The following MAPK8 variants were observed in gnomAD, a reference collection of about 807,000 sequenced individuals.
MAPK8 encodes mitogen-activated protein kinase 8, also known as JUN N-terminal kinase.
In MAPK8, 13 loss-of-function variants were observed where a neutral mutation model predicts 52.9. The observed-to-expected ratio is 0.25, with a 90% CI of 0.16 to 0.39. The LOEUF is 0.39. Ranked by LOEUF, MAPK8 falls within the 10% of genes least tolerant of loss-of-function variation. The probability of loss-of-function intolerance (pLI) is 1.00; values close to 1 mark genes in which losing one functional copy is unlikely to be tolerated. For missense variants in MAPK8, 300 were observed against 519.2 expected, an observed-to-expected ratio of 0.58 and a Z score of 4.10; for synonymous variants, 191 against 169.8, an observed-to-expected ratio of 1.12 and a Z score of -0.97.
intron 1 of MAPK8, among the ~76,000 whole-genome samples, chr10:48,388,302 G>GCC (rs1564567232): frequency 2.0e-5 from 3 of 152,092 alleles, no homozygotes; most frequent in Non-Finnish European, 4.4e-5. Flanking sequence ...CATTAAGTAG[G>GCC]TTTATGATAA....
intron 5 of MAPK8, among the ~76,000 whole-genome samples, chr10:48,417,923 C>G (rs2043150483): frequency 6.6e-5 from 10 of 152,136 alleles, no homozygotes; most frequent in Admixed American, 6.5e-4. Context: ...TTTTGCTTTC[C>G]AGTCTTTTCT....
chr10:48,393,275 CTT>C (rs2041720396), intron 1 of MAPK8, among the ~76,000 whole-genome samples: 1 of 151,972 alleles, frequency 6.6e-6, no homozygotes, highest in Admixed American at 6.6e-5. Context: ...ATTTGAATGT[CTT>C]AAAGTTATCT....
intron 1 of MAPK8, among the ~76,000 whole-genome samples, chr10:48,345,221 G>T (rs556508536): frequency 6.6e-6 from 1 of 152,226 alleles, no homozygotes; most frequent in South Asian, 2.1e-4. Flanking sequence ...GATAAACTTG[G>T]CAGGAACTTC....
At chr10:48,341,135 G>A (rs1404281665) in intron 1 of MAPK8, among the ~76,000 whole-genome samples, 1 of 152,146 alleles carries the variant, frequency 6.6e-6, no homozygotes, top group Admixed American at 6.5e-5. Flanking sequence ...TATTTTTAGA[G>A]TTGCCTCAAG....
At chr10:48,343,900 A>G (rs1845526822) in intron 1 of MAPK8, among the ~76,000 whole-genome samples, 1 of 152,198 alleles carries the variant, frequency 6.6e-6, no homozygotes, top group Non-Finnish European at 1.5e-5. Context: ...TACTTTGTCC[A>G]TTTGCACTTG....
At position 48,434,993 on chromosome 10, in the gene MAPK8, A is replaced by G. The variant is rs1301200624; in HGVS notation, c.1248A>G (p.Leu416=). ...TGGCCTCTGATACAGACAGCAGTCT[A>G]GAAGCAGCAGCTGGGCCTCTGGGCT... The part of the protein sequence containing the change: ...PTLASDTDSS[L]EAAAGPLGCC... Residue 416 remains leucine, a synonymous_variant, in exon 12 of 12, where the codon CTA becomes CTG. Transcript: ENST00000374189. 2 of 1,472,632 alleles carry G rather than the reference A, an allele frequency of 1.4e-6. No homozygotes were observed. The highest frequency in any genetic ancestry group is 1.8e-6 in the Non-Finnish European group (2 of 1,089,824). The allele number at this position is 1,472,632 out of a possible 1,614,324, so 91.2% of individuals were successfully genotyped here. A position where few individuals can be genotyped will look rare whatever the true frequency, so the allele number is the denominator to read the frequency against.
intron 1 of MAPK8, among the ~76,000 whole-genome samples, chr10:48,346,663 G>A (rs368154280): frequency 3.9e-5 from 6 of 152,182 alleles, no homozygotes; most frequent in African/African-American, 9.7e-5. Context: ...AGGCCTAACC[G>A]TCTCCCTGTG....
chr10:48,324,502 A>ATTTTTTTTTTTTTTTTTTTTTTTTTTT (rs1554810394), intron 1 of MAPK8, among the ~76,000 whole-genome samples: 2 of 54,350 alleles, frequency 3.7e-5, no homozygotes, highest in Admixed American at 2.7e-4. Context: ...CCTGTTTTCT[A>ATTTTTTTTTTTTTTTTTTTTTTTTTTT]GTTTTTTTTT....
At chr10:48,363,948 T>A (rs570239775) in intron 1 of MAPK8, among the ~76,000 whole-genome samples, 1 of 152,184 alleles carries the variant, frequency 6.6e-6, no homozygotes, top group South Asian at 2.1e-4. Flanking sequence ...GAAGATTTTG[T>A]TTTTTGCTTT....
At chr10:48,372,817 T>A (rs187124514) in intron 1 of MAPK8, among the ~76,000 whole-genome samples, 6 of 152,268 alleles carry the variant, frequency 3.9e-5, no homozygotes, top group African/African-American at 1.4e-4. Context: ...TTCAGGATAT[T>A]ATCCAGGAGA....
At chr10:48,347,126 C>T (rs1348017737) in intron 1 of MAPK8, among the ~76,000 whole-genome samples, 1 of 152,116 alleles carries the variant, frequency 6.6e-6, no homozygotes, top group South Asian at 2.1e-4. Flanking sequence ...AGGGACCCAC[C>T]GACCCTGTGG....
chr10:48,356,899 C>CAAAAA (rs201368039), intron 1 of MAPK8, among the ~76,000 whole-genome samples: 1 of 47,242 alleles, frequency 2.1e-5, no homozygotes, highest in African/African-American at 7.4e-5. Flanking sequence ...CGTAGTTTAC[C>CAAAAA]AAAAAAAAAA....
At chr10:48,334,985 C>T (rs1250622429) in intron 1 of MAPK8, among the ~76,000 whole-genome samples, 1 of 152,154 alleles carries the variant, frequency 6.6e-6, no homozygotes, top group Admixed American at 6.5e-5. Context: ...ACCCCAGTCC[C>T]CTTCCTCACT....
chr10:48,388,438 A>G (rs1475015969), intron 1 of MAPK8, among the ~76,000 whole-genome samples: 1 of 152,200 alleles, frequency 6.6e-6, no homozygotes, highest in Non-Finnish European at 1.5e-5. Flanking sequence ...CAAGTCCTTC[A>G]TTCAACTAAA....
chr10:48,376,422 A>C (rs2040664855), intron 1 of MAPK8, among the ~76,000 whole-genome samples: 1 of 152,216 alleles, frequency 6.6e-6, no homozygotes. Context: ...ACAGCAAAAG[A>C]AACTATCATC....
intron 5 of MAPK8, among the ~76,000 whole-genome samples, chr10:48,411,076 G>T (rs1030435868): frequency 2.6e-5 from 4 of 152,180 alleles, no homozygotes; most frequent in Non-Finnish European, 5.9e-5. Context: ...TCTGTAGGTT[G>T]TCTGTTCACT....
chr10:48,375,748 C>T (rs565143858), intron 1 of MAPK8, among the ~76,000 whole-genome samples: 1 of 152,216 alleles, frequency 6.6e-6, no homozygotes, highest in Non-Finnish European at 1.5e-5. Flanking sequence ...GGGACACAAA[C>T]AAATGGAAAA....
chr10:48,392,231 T>G (rs1029180944), intron 1 of MAPK8, among the ~76,000 whole-genome samples: 1 of 152,190 alleles, frequency 6.6e-6, no homozygotes, highest in Non-Finnish European at 1.5e-5. Context: ...GAGAGTCTTA[T>G]GACCTGCAGT....
At chr10:48,362,828 C>T (rs1266466192) in intron 1 of MAPK8, among the ~76,000 whole-genome samples, 2 of 150,994 alleles carry the variant, frequency 1.3e-5, no homozygotes, top group Admixed American at 6.6e-5. Flanking sequence ...GCAACCTCCA[C>T]CTCCCGGGTT....
Sources: allele counts gnomAD v4.1 joint callset (sites outside exome capture counted in the v4.1 genomes callset), GRCh38; gene constraint gnomAD v4.1.1; transcripts MANE v1.5; gene names NCBI Gene and HGNC (gene_info 2026-07-23, HGNC 2026-07-21).